IL1RAPL1: variants seen among roughly 807,000 people sequenced by gnomAD.
IL1RAPL1 encodes interleukin 1 receptor accessory protein like 1.
A neutral mutation model predicts 48.4 loss-of-function variants in IL1RAPL1; 3 were observed. The ratio of observed to expected loss-of-function variants is 0.06; its 90% CI spans 0.03 to 0.16. IL1RAPL1 has a LOEUF of 0.16. Among genes scored for constraint, IL1RAPL1 ranks in the 10% least tolerant of loss-of-function variants. The pLI, the probability that IL1RAPL1 is intolerant of heterozygous loss-of-function variation, is 1.00. For synonymous variants in IL1RAPL1, 185 were observed against 187.7 expected (o/e 0.99, Z 0.12); for missense variants, 349 against 530.6 (o/e 0.66, Z 3.36).
intron 1 of IL1RAPL1, among the ~76,000 whole-genome samples, chrX:28,675,652 A>G (rs1199757897): frequency 6.3e-5 from 7 of 111,939 alleles, no homozygotes; most frequent in Non-Finnish European, 1.3e-4. Flanking sequence ...TAATATATTG[A>G]GCATGTACCA....
chrX:28,873,987 A>C (rs1040536138), intron 2 of IL1RAPL1, among the ~76,000 whole-genome samples: 3 of 110,121 alleles, frequency 2.7e-5, no homozygotes, highest in Non-Finnish European at 5.7e-5. Context: ...AAAAAAAAAA[A>C]AATTGTTCTT....
chrX:29,419,417 T>C lies in IL1RAPL1; in HGVS notation c.703+20109T>C, dbSNP rs761789811. Among the ~76,000 whole-genome samples, 300 of 109,294 alleles carry C rather than the reference T, an allele frequency of 2.7e-3. 1 individual carries two copies. Among genetic ancestry groups the C allele is most frequent in the Non-Finnish European group, 4.7e-3 (249 of 52,548 alleles). 94.9% of individuals were successfully genotyped at this position (109,294 alleles called of 115,157 possible). On this transcript the variant is annotated intron_variant, in intron 5 of 10. Coordinates refer to ENST00000378993, the MANE Select transcript of IL1RAPL1 (RefSeq NM_014271.4). ...CTCACTGCAACCTCTGCCTCCCAGGTTCAAGTGATTCTCCAGTCTCAGCCT... is the reference window on the plus strand; with the variant it reads ...CTCACTGCAACCTCTGCCTCCCAGGCTCAAGTGATTCTCCAGTCTCAGCCT...
chrX:28,619,562 A>ACACTGCATTC (rs2146887657), intron 1 of IL1RAPL1, among the ~76,000 whole-genome samples: 1 of 103,260 alleles, frequency 9.7e-6, no homozygotes, highest in Non-Finnish European at 2.0e-5. Context: ...GGCTGAGATC[A>ACACTGCATTC]CGACACTGCA....
intron 1 of IL1RAPL1, among the ~76,000 whole-genome samples, chrX:28,643,703 T>C (rs973047244): frequency 4.5e-5 from 5 of 112,030 alleles, no homozygotes; most frequent in Non-Finnish European, 9.4e-5. Flanking sequence ...TAAATGTAGA[T>C]GTTACTGAAT....
chrX:28,607,106 T>C lies in IL1RAPL1; in HGVS notation c.-25+19059T>C, dbSNP rs192214205. 1.1e-3 allele frequency among the ~76,000 whole-genome samples: 124 copies of C among 109,379 alleles called. 3 individuals carry two copies. The highest frequency in any genetic ancestry group is 0.011 in the Admixed American group (104 of 9,817). The allele number at this position is 109,379 out of a possible 115,157, so 95.0% of individuals were successfully genotyped here. On this transcript the variant is annotated intron_variant, in intron 1 of 10. Coordinates refer to ENST00000378993, the MANE Select transcript of IL1RAPL1 (RefSeq NM_014271.4). Reference sequence around the variant, plus strand: ...TGTTCTCATCTTGTCTATTGCCTGATCATCTAGTTGCTTAGTCTAATCAAA... The same window carrying C: ...TGTTCTCATCTTGTCTATTGCCTGACCATCTAGTTGCTTAGTCTAATCAAA...
intron 6 of IL1RAPL1, among the ~76,000 whole-genome samples, chrX:29,686,278 T>C (rs925337063): frequency 9.0e-6 from 1 of 111,227 alleles, no homozygotes; most frequent in African/African-American, 3.3e-5. Context: ...TAACATGTTT[T>C]AATTGTTTTA....
chrX:29,655,830 G>A (rs1180303362), intron 5 of IL1RAPL1, among the ~76,000 whole-genome samples: 3 of 110,885 alleles, frequency 2.7e-5, no homozygotes, highest in Admixed American at 9.6e-5. Context: ...ATAAAGTAAC[G>A]TAACCGCACA....
chrX:28,873,951 A>T (rs1310233867), intron 2 of IL1RAPL1, among the ~76,000 whole-genome samples: 2 of 105,497 alleles, frequency 1.9e-5, no homozygotes, highest in African/African-American at 7.1e-5. Flanking sequence ...CACCTTGTTC[A>T]GATTTTTTGC....
chrX:29,830,000 A>G (rs989565844), intron 6 of IL1RAPL1, among the ~76,000 whole-genome samples: 2 of 112,369 alleles, frequency 1.8e-5, no homozygotes, highest in African/African-American at 6.5e-5. Flanking sequence ...AAAATAACCA[A>G]GTATAAAAAG....
intron 2 of IL1RAPL1, among the ~76,000 whole-genome samples, chrX:28,970,002 G>GTTTCTAAACACATATATATGTTTCT (rs1925028997): frequency 5.0e-5 from 3 of 59,731 alleles, no homozygotes; most frequent in African/African-American, 2.8e-4. Flanking sequence ...TATATGTTTA[G>GTTTCTAAACACATATATATGTTTCT]AAACATATAT....
chrX:29,083,361 TTTGA>T (rs780690092), intron 2 of IL1RAPL1, among the ~76,000 whole-genome samples: 1 of 111,918 alleles, frequency 8.9e-6, no homozygotes, highest in South Asian at 3.8e-4. Context: ...CCTATCTCAA[TTTGA>T]TTGACCAAAT....
chrX:29,176,232 C>A (rs1930017837), intron 2 of IL1RAPL1, among the ~76,000 whole-genome samples: 1 of 105,590 alleles, frequency 9.5e-6, no homozygotes, highest in Non-Finnish European at 1.9e-5. Context: ...TAGCTGGGAC[C>A]ACAGGCGCCC....
At chrX:29,230,523 A>AAAAAAAAC (rs1569265298) in intron 2 of IL1RAPL1, among the ~76,000 whole-genome samples, 2 of 93,330 alleles carry the variant, frequency 2.1e-5, no homozygotes, top group African/African-American at 8.3e-5. Context: ...AAAAAAAAAA[A>AAAAAAAAC]AAAAAAAAAA....
chrX:29,902,342 G>A (rs1932512562), intron 6 of IL1RAPL1, among the ~76,000 whole-genome samples: 1 of 110,627 alleles, frequency 9.0e-6, no homozygotes, highest in Admixed American at 9.7e-5. Flanking sequence ...GTTTCATGCA[G>A]GTAGAAAACA....
At chrX:29,580,219 T>C (rs1166593959) in intron 5 of IL1RAPL1, among the ~76,000 whole-genome samples, 2 of 110,796 alleles carry the variant, frequency 1.8e-5, no homozygotes, top group Non-Finnish European at 3.8e-5. Flanking sequence ...GTCTTTAATA[T>C]TCATTTATAA....
intron 6 of IL1RAPL1, among the ~76,000 whole-genome samples, chrX:29,784,182 T>G (rs2147158408): frequency 8.9e-6 from 1 of 112,403 alleles, no homozygotes; most frequent in African/African-American, 3.2e-5. Context: ...ACATAGAAAC[T>G]TAATTTTATT....
intron 5 of IL1RAPL1, among the ~76,000 whole-genome samples, chrX:29,415,908 A>C (rs1403865632): frequency 8.9e-6 from 1 of 112,238 alleles, no homozygotes; most frequent in Non-Finnish European, 1.9e-5. Context: ...TTATTTTTCA[A>C]AATGAACAAC....
intron 2 of IL1RAPL1, among the ~76,000 whole-genome samples, chrX:29,179,139 A>G (rs1930092219): frequency 9.0e-6 from 1 of 110,756 alleles, no homozygotes; most frequent in African/African-American, 3.3e-5. Flanking sequence ...GAAGGAAGTC[A>G]TTGGTAGCTT....
At chrX:28,781,942 T>C (rs1316381702) in intron 1 of IL1RAPL1, among the ~76,000 whole-genome samples, 2 of 112,118 alleles carry the variant, frequency 1.8e-5, no homozygotes, top group Non-Finnish European at 3.8e-5. Flanking sequence ...TTCTCTATAA[T>C]TATATATGTA....
Sources: allele counts gnomAD v4.1 joint callset (sites outside exome capture counted in the v4.1 genomes callset), GRCh38; gene constraint gnomAD v4.1.1; transcripts MANE v1.5; gene names NCBI Gene and HGNC (gene_info 2026-07-23, HGNC 2026-07-21).